The following AK6 variants were observed in gnomAD, a reference collection of about 807,000 sequenced individuals.
AK6 encodes adenylate kinase 6.
AK6 carries 24 observed loss-of-function variants against 23.7 expected under a neutral mutation model. The observed-to-expected ratio is 1.01, with a 90% CI of 0.73 to 1.43. The LOEUF is 1.43. Among genes scored for constraint, AK6 ranks in the 40% most tolerant of loss-of-function variants. The pLI is 0.00. For synonymous variants in AK6, 73 were observed against 69.8 expected (o/e 1.05, Z -0.23); for missense variants, 191 against 199.1 (o/e 0.96, Z 0.24).
At chr5:69,352,486 C>A (rs1256530238) in intron 4 of AK6, among the ~76,000 whole-genome samples, 1 of 151,172 alleles carries the variant, frequency 6.6e-6, no homozygotes, top group Admixed American at 6.6e-5. Flanking sequence ...CCCCCCCCCA[C>A]AATTTGTCAG....
At chr5:69,360,560 T>A (rs1046219757) in intron 2 of AK6, among the ~76,000 whole-genome samples, 9 of 152,094 alleles carry the variant, frequency 5.9e-5, no homozygotes, top group African/African-American at 1.9e-4. Flanking sequence ...GAGTGAATAG[T>A]CCTGAATGAG....
chr5:69,368,246 T>G (rs1488919147), intron 1 of AK6, among the ~76,000 whole-genome samples: 1 of 152,224 alleles, frequency 6.6e-6, no homozygotes, highest in Admixed American at 6.5e-5. Flanking sequence ...GTTCTTTACC[T>G]TCCCCTTCTG....
intron 2 of AK6, among the ~76,000 whole-genome samples, chr5:69,361,446 C>CA (rs1762233808): frequency 6.8e-6 from 1 of 146,822 alleles, no homozygotes; most frequent in African/African-American, 2.5e-5. Context: ...TAATAGTTTT[C>CA]TTTTTTTTTT....
At chr5:69,363,006 G>T (rs1027569124) in intron 2 of AK6, among the ~76,000 whole-genome samples, 4 of 152,080 alleles carry the variant, frequency 2.6e-5, no homozygotes, top group African/African-American at 9.7e-5. Flanking sequence ...AAGGCAGAAG[G>T]ATCATTTGAG....
chr5:69,358,517 C>CAAAAAAA (rs5868577), intron 2 of AK6, among the ~76,000 whole-genome samples: 109 of 54,052 alleles, frequency 2.0e-3, no homozygotes, highest in East Asian at 2.3e-3. Context: ...GACTCTGTCT[C>CAAAAAAA]AAAAAAAAAA....
rs1762017978 is a variant in AK6, at chr5:69,353,983, C to A, written c.326+1666G>T. 3.9e-5 allele frequency among the ~76,000 whole-genome samples: 6 copies of A among 152,142 alleles called. No individual in the cohort carries two copies. In the South Asian group the frequency reaches 1.2e-3, roughly 32 times the overall value. ...CCAAGGTCTTGCTATGTTGCCCAGGCTGGTCTCAAACTCCTAGGCTCAAGC... is the reference window on the plus strand; with the variant it reads ...CCAAGGTCTTGCTATGTTGCCCAGGATGGTCTCAAACTCCTAGGCTCAAGC... On this transcript the variant is annotated intron_variant, in intron 4 of 4. Coordinates refer to ENST00000380822, the MANE Select transcript of AK6 (RefSeq NM_016283.5).
At chr5:69,356,322 AAC>A (rs1762082873) in intron 2 of AK6, among the ~76,000 whole-genome samples, 1 of 152,180 alleles carries the variant, frequency 6.6e-6, no homozygotes. Context: ...AACAGATACA[AAC>A]ACACTCACAT....
At chr5:69,369,779 T>G, upstream of AK6, 1 of 1,429,734 alleles carries the variant, frequency 7.0e-7, no homozygotes, top group South Asian at 1.2e-5. Flanking sequence ...TCCCCGCCCT[T>G]CGCTTGCGCC....
chr5:69,359,221 C>T (rs971707226), intron 2 of AK6, among the ~76,000 whole-genome samples: 5 of 151,588 alleles, frequency 3.3e-5, no homozygotes, highest in Admixed American at 3.3e-4. Context: ...GACAGTGATA[C>T]CTTGTCTCAA....
chr5:69,356,157 A>C (rs1762079140), intron 2 of AK6, among the ~76,000 whole-genome samples: 1 of 152,202 alleles, frequency 6.6e-6, no homozygotes, highest in African/African-American at 2.4e-5. Flanking sequence ...GTTTAGAGGG[A>C]AACTTGGATT....
intron 2 of AK6, among the ~76,000 whole-genome samples, chr5:69,359,889 G>A (rs1293807819): frequency 1.3e-5 from 2 of 152,198 alleles, no homozygotes; most frequent in Non-Finnish European, 2.9e-5. Flanking sequence ...AAAGAAAAGG[G>A]CAATTAATTC....
At chr5:69,369,041 A>C in intron 1 of AK6, 1 of 217,426 alleles carries the variant, frequency 4.6e-6, no homozygotes, top group Non-Finnish European at 9.0e-6. Context: ...ACGGAGGCCT[A>C]AGGAGTGAGG....
intron 2 of AK6, among the ~76,000 whole-genome samples, chr5:69,356,666 A>C (rs868270362): frequency 2.0e-4 from 30 of 152,184 alleles, no homozygotes; most frequent in African/African-American, 6.7e-4. Context: ...AGAAAGAAAG[A>C]AAAAAGCAAT....
intron 2 of AK6, among the ~76,000 whole-genome samples, chr5:69,362,116 T>C (rs914857477): frequency 3.3e-5 from 5 of 151,662 alleles, no homozygotes; most frequent in East Asian, 1.9e-4. Context: ...TTTCTTTTTT[T>C]CCGACTTTAG....
chr5:69,360,893 A>G (rs1421183081), intron 2 of AK6, among the ~76,000 whole-genome samples: 1 of 152,180 alleles, frequency 6.6e-6, no homozygotes. Context: ...GAGATATATC[A>G]AGATTCTAAG....
chr5:69,360,062 A>G (rs1404023915), intron 2 of AK6, among the ~76,000 whole-genome samples: 2 of 152,186 alleles, frequency 1.3e-5, no homozygotes, highest in Non-Finnish European at 2.9e-5. Context: ...AAGGGGACAT[A>G]GGGGAGAGAA....
At chr5:69,356,310 T>C (rs1762082564) in intron 2 of AK6, among the ~76,000 whole-genome samples, 2 of 152,136 alleles carry the variant, frequency 1.3e-5, no homozygotes, top group African/African-American at 4.8e-5. Flanking sequence ...AGGAAACACC[T>C]GAACAGATAC....
chr5:69,366,639 T>C, intron 1 of AK6, 44 bp from the exon 2 acceptor site: 1 of 1,346,970 alleles, frequency 7.4e-7, no homozygotes, highest in East Asian at 2.3e-5. Context: ...GAAATACTAC[T>C]TATCACACTG....
chr5:69,366,687 G>C (rs1304574305), intron 1 of AK6, 92 bp from the exon 2 acceptor site: 14 of 929,584 alleles, frequency 1.5e-5, no homozygotes, highest in Non-Finnish European at 2.1e-5. Flanking sequence ...TTTTGAGACA[G>C]AGTCTCACCT....
Sources: gnomAD v4.1 joint callset for allele counts (sites outside exome capture counted in the v4.1 genomes callset) on GRCh38, gnomAD v4.1.1 for gene constraint, MANE v1.5 for transcripts, NCBI Gene and HGNC (gene_info 2026-07-23, HGNC 2026-07-21) for gene names.